The following NDFIP2 variants were observed in gnomAD, a reference collection of about 807,000 sequenced individuals.
NDFIP2 encodes Nedd4 family interacting protein 2, also known as NEDD4 family-interacting protein 2.
Under a neutral mutation model 36.0 loss-of-function variants are expected in NDFIP2, and 19 were observed. That is an observed-to-expected ratio of 0.53 (90% confidence interval 0.37 to 0.77). The LOEUF (loss-of-function observed/expected upper bound fraction) is 0.77, where lower values mean the gene tolerates loss of function less well. NDFIP2 is among the 30% of genes least tolerant of loss of function. The probability of loss-of-function intolerance (pLI) is 0.00; values close to 1 mark genes in which losing one functional copy is unlikely to be tolerated. For missense variants in NDFIP2, 446 were observed against 435.8 expected (o/e 1.02, Z -0.21); for synonymous variants, 181 against 167.7 (o/e 1.08, Z -0.61).
chr13:79,513,715 C>CT (rs145412593), intron 1 of NDFIP2, among the ~76,000 whole-genome samples: 325 of 145,782 alleles, frequency 2.2e-3, no homozygotes, highest in African/African-American at 6.6e-3. Context: ...TTTTTCTCTT[C>CT]TTTTTTTTTT....
intron 1 of NDFIP2, among the ~76,000 whole-genome samples, chr13:79,494,452 A>G (rs945800454): frequency 6.6e-6 from 1 of 152,020 alleles, no homozygotes; most frequent in Non-Finnish European, 1.5e-5. Flanking sequence ...CTTTAGTTAT[A>G]TATTTATTGT....
chr13:79,533,640 A>G (rs1393602669), intron 3 of NDFIP2, among the ~76,000 whole-genome samples, 184 bp downstream of exon 3: 1 of 152,220 alleles, frequency 6.6e-6, no homozygotes, highest in Admixed American at 6.5e-5. Flanking sequence ...TTGGAAAAAT[A>G]TTTTGGAGAT....
intron 6 of NDFIP2, among the ~76,000 whole-genome samples, chr13:79,550,668 T>C (rs1276214189): frequency 6.6e-6 from 1 of 151,564 alleles, no homozygotes; most frequent in Non-Finnish European, 1.5e-5. Flanking sequence ...ATTGAAAAGA[T>C]TGAGCCCATG....
At chr13:79,534,358 T>G (rs1210451821) in intron 3 of NDFIP2, among the ~76,000 whole-genome samples, 5 of 148,352 alleles carry the variant, frequency 3.4e-5, no homozygotes, top group East Asian at 2.0e-4. Flanking sequence ...CTGTTTTTTT[T>G]TTTTTTTTTT....
At chr13:79,551,241 T>C in intron 7 of NDFIP2, 119 bp downstream of exon 7, 1 of 474,188 alleles carries the variant, frequency 2.1e-6, no homozygotes, top group Non-Finnish European at 3.8e-6. Flanking sequence ...TTAATATTTT[T>C]TAATACTGCT....
intron 1 of NDFIP2, among the ~76,000 whole-genome samples, chr13:79,491,422 G>A (rs77552382): frequency 2.0e-5 from 3 of 152,018 alleles, no homozygotes; most frequent in Non-Finnish European, 4.4e-5. Flanking sequence ...GTCTTCCTCT[G>A]TCTCTCTCTC....
chr13:79,502,406 C>G (rs965918071), intron 1 of NDFIP2, among the ~76,000 whole-genome samples: 3 of 152,134 alleles, frequency 2.0e-5, no homozygotes, highest in Non-Finnish European at 2.9e-5. Context: ...GAAACTTAAA[C>G]CAAACCAGTT....
At chr13:79,544,075 C>T (rs1875563360) in intron 5 of NDFIP2, among the ~76,000 whole-genome samples, 1 of 152,038 alleles carries the variant, frequency 6.6e-6, no homozygotes, top group Admixed American at 6.5e-5. Context: ...AATATATGTG[C>T]TCAGTAAATC....
At chr13:79,488,306 C>A (rs1873097650) in intron 1 of NDFIP2, among the ~76,000 whole-genome samples, 2 of 151,612 alleles carry the variant, frequency 1.3e-5, no homozygotes, top group South Asian at 4.2e-4. Flanking sequence ...TTAAACATAC[C>A]CCAGATTAAA....
intron 2 of NDFIP2, among the ~76,000 whole-genome samples, chr13:79,529,400 T>C (rs939776622): frequency 5.3e-5 from 8 of 152,202 alleles, no homozygotes; most frequent in African/African-American, 1.9e-4. Context: ...TTATAAAAGA[T>C]CACATCTCCT....
chr13:79,537,237 A>G (rs912963377), intron 3 of NDFIP2, among the ~76,000 whole-genome samples: 1 of 152,040 alleles, frequency 6.6e-6, no homozygotes, highest in African/African-American at 2.4e-5. Context: ...CCTCTTGAGT[A>G]GCTGGGACTA....
chr13:79,499,564 A>G (rs1873575905), intron 1 of NDFIP2, among the ~76,000 whole-genome samples: 1 of 152,010 alleles, frequency 6.6e-6, no homozygotes, highest in Non-Finnish European at 1.5e-5. Context: ...AATATACAAA[A>G]GACTGTTTTC....
At chr13:79,508,448 C>T (rs769483828) in intron 1 of NDFIP2, among the ~76,000 whole-genome samples, 3 of 152,152 alleles carry the variant, frequency 2.0e-5, no homozygotes, top group Non-Finnish European at 4.4e-5. Context: ...GCTGGTTGCT[C>T]ATATTTATTG....
intron 5 of NDFIP2, among the ~76,000 whole-genome samples, chr13:79,546,433 G>A (rs1317607398): frequency 6.6e-6 from 1 of 152,062 alleles, no homozygotes; most frequent in African/African-American, 2.4e-5. Flanking sequence ...AAATAGTGAT[G>A]TTACATTAAT....
chr13:79,481,329 A>T lies in NDFIP2; in HGVS notation c.126A>T (p.Gly42=), dbSNP rs1472381167. ...TNAEVSAAAA[G]ATGSEELPPG... Reference sequence around the variant, plus strand: ...CGGAGGTCTCGGCGGCCGCTGCGGGAGCCACAGGAAGTGAAGAGCTTCCGC... The same window carrying T: ...CGGAGGTCTCGGCGGCCGCTGCGGGTGCCACAGGAAGTGAAGAGCTTCCGC... The change falls in exon 1 of 8, where the codon GGA becomes GGT. Residue 42 remains glycine, a synonymous_variant. Coordinates refer to ENST00000218652, the MANE Select transcript of NDFIP2 (RefSeq NM_019080.3). 2 of 1,545,962 alleles carry T rather than the reference A, an allele frequency of 1.3e-6. No individual in the cohort carries two copies. Among genetic ancestry groups the T allele is most frequent in the Non-Finnish European group, 8.7e-7 (1 of 1,146,996 alleles).
chr13:79,510,166 T>A (rs1390517215), intron 1 of NDFIP2, among the ~76,000 whole-genome samples: 2 of 152,178 alleles, frequency 1.3e-5, no homozygotes, highest in Non-Finnish European at 2.9e-5. Flanking sequence ...TGTGATCTAT[T>A]TTTGTTCTTT....
In NDFIP2 at chr13:79,543,630, G is replaced by GTGC; in HGVS notation, c.790_792dup (p.Ala264dup). On this transcript the variant is annotated inframe_insertion, in exon 5 of 8. Coordinates refer to ENST00000218652, the MANE Select transcript of NDFIP2 (RefSeq NM_019080.3). ...ACCAATACCATAGCTGGAAGGTATG[G>GTGC]TGCTATCTGCGGATTTGGCCTTTCC... 6.2e-7 allele frequency: 1 copy of GTGC among 1,613,972 alleles called. No individual in the cohort carries two copies. The highest frequency in any genetic ancestry group is 8.5e-7 in the Non-Finnish European group (1 of 1,179,914).
At chr13:79,497,405 T>C (rs1873473344) in intron 1 of NDFIP2, among the ~76,000 whole-genome samples, 1 of 152,030 alleles carries the variant, frequency 6.6e-6, no homozygotes, top group Non-Finnish European at 1.5e-5. Flanking sequence ...TCCATTACTG[T>C]GGCTTTACCT....
At chr13:79,501,370 G>C (rs1873659670) in intron 1 of NDFIP2, among the ~76,000 whole-genome samples, 2 of 152,026 alleles carry the variant, frequency 1.3e-5, no homozygotes, top group South Asian at 4.1e-4. Flanking sequence ...ACCGATGGGG[G>C]ATGTTGTTAA....
Sources: gnomAD v4.1 joint callset for allele counts (sites outside exome capture counted in the v4.1 genomes callset) on GRCh38, gnomAD v4.1.1 for gene constraint, MANE v1.5 for transcripts, NCBI Gene and HGNC (gene_info 2026-07-23, HGNC 2026-07-21) for gene names.